UNC13C: variants seen among roughly 807,000 people sequenced by gnomAD.
UNC13C encodes unc-13 homolog C.
UNC13C carries 174 observed loss-of-function variants against 245.4 expected under a neutral mutation model. The observed-to-expected ratio is 0.71, with a 90% CI of 0.63 to 0.80. The LOEUF is 0.80. Among genes scored for constraint, UNC13C ranks in the 30% least tolerant of loss-of-function variants. The probability of loss-of-function intolerance (pLI) is 0.00; values close to 1 mark genes in which losing one functional copy is unlikely to be tolerated. For missense variants in UNC13C, 2,829 were observed against 2,602.9 expected (o/e 1.09, Z -1.89); for synonymous variants, 992 against 895.1 (o/e 1.11, Z -1.93).
intron 30 of UNC13C, among the ~76,000 whole-genome samples, chr15:54,583,766 TG>T (rs1225818177): frequency 6.6e-6 from 1 of 152,218 alleles, no homozygotes; most frequent in Non-Finnish European, 1.5e-5. Flanking sequence ...CCTGAGTGGT[TG>T]TTTGTAATGC....
chr15:54,379,898 A>T (rs2039685350), intron 17 of UNC13C, among the ~76,000 whole-genome samples: 1 of 152,212 alleles, frequency 6.6e-6, no homozygotes, highest in Non-Finnish European at 1.5e-5. Flanking sequence ...CATGCACAAC[A>T]TGATGTTTTG....
chr15:54,226,153 G>A lies in UNC13C; in HGVS notation c.3072-8877G>A, dbSNP rs537710865. On this transcript the variant is annotated intron_variant, in intron 4 of 32. Transcript: ENST00000260323. The stretch of plus-strand genomic sequence containing the variant: ...AACCAACTTTGCATTTCAGGATGAA[G>A]CCAAGTTGATTGTCATGGGTAAGCT... 1.6e-4 allele frequency among the ~76,000 whole-genome samples: 25 copies of A among 152,288 alleles called. No individual in the cohort carries two copies. In the South Asian group the frequency reaches 5.2e-3, roughly 32 times the overall value.
rs576765924 is a variant in UNC13C, at chr15:54,494,425, G to A, written c.4934-183G>A. On this transcript the variant is annotated intron_variant, in intron 19 of 32. Coordinates refer to ENST00000260323, the MANE Select transcript of UNC13C (RefSeq NM_001080534.3). ...CATTACTGCTTGACCTATTCTATGT[G>A]GGACTTATAATTATTTCTGCATTTT... 5.3e-5 allele frequency among the ~76,000 whole-genome samples: 8 copies of A among 151,932 alleles called. No homozygotes were observed. The East Asian group carries it at 1.2e-3, about 22-fold the overall frequency.
intron 19 of UNC13C, among the ~76,000 whole-genome samples, chr15:54,456,199 A>T (rs1340893414): frequency 1.3e-5 from 2 of 152,112 alleles, no homozygotes; most frequent in Non-Finnish European, 2.9e-5. Context: ...ATTCTGTTCC[A>T]TTGGCCTACA....
chr15:54,370,232 T>G (rs780736204), intron 17 of UNC13C, among the ~76,000 whole-genome samples: 2 of 152,080 alleles, frequency 1.3e-5, no homozygotes, highest in Non-Finnish European at 2.9e-5. Context: ...AGATATCCAG[T>G]CTCTTCATTG....
chr15:54,391,308 C>T (rs2039951985), intron 17 of UNC13C, among the ~76,000 whole-genome samples: 1 of 152,100 alleles, frequency 6.6e-6, no homozygotes, highest in Non-Finnish European at 1.5e-5. Context: ...TTATCACCTT[C>T]ACAACTCACC....
At chr15:53,853,477 T>C in the UNC13C span, among the ~76,000 whole-genome samples, 2 of 152,216 alleles carry the variant, frequency 1.3e-5, no homozygotes, top group African/African-American at 4.8e-5. Context: ...TATGCATGTG[T>C]CTTTATAAGT....
chr15:54,543,621 T>A (rs1896345522), intron 26 of UNC13C, among the ~76,000 whole-genome samples: 1 of 152,050 alleles, frequency 6.6e-6, no homozygotes, highest in Non-Finnish European at 1.5e-5. Context: ...ATATCACCAC[T>A]GATCCCACAG....
the UNC13C span, among the ~76,000 whole-genome samples, chr15:53,864,658 T>C: frequency 1.4e-4 from 22 of 152,298 alleles, no homozygotes; most frequent in Admixed American, 5.9e-4. Context: ...CAGAAGAGGA[T>C]TGAACTGAAG....
intron 32 of UNC13C, among the ~76,000 whole-genome samples, chr15:54,625,761 C>G (rs1281068333): frequency 2.0e-5 from 3 of 152,070 alleles, no homozygotes; most frequent in Non-Finnish European, 1.5e-5. Flanking sequence ...GATCACATTC[C>G]CTGCCAATAA....
chr15:54,001,327 A>G (rs2249440), intron 1 of UNC13C, among the ~76,000 whole-genome samples: 91,391 of 152,046 alleles, frequency 0.6, 28,606 homozygotes, highest in Middle Eastern at 0.74. Flanking sequence ...TGTGATGATC[A>G]AATGAGCCTG....
intron 1 of UNC13C, among the ~76,000 whole-genome samples, chr15:53,996,405 C>T (rs1437080042): frequency 6.6e-6 from 1 of 152,134 alleles, no homozygotes; most frequent in African/African-American, 2.4e-5. Flanking sequence ...CTTTAACACA[C>T]TGCTTAGGCC....
intron 6 of UNC13C, 187 bp from the exon 7 acceptor site, chr15:54,237,432 C>T (rs546730660): frequency 1.2e-5 from 8 of 688,382 alleles, no homozygotes; most frequent in East Asian, 2.7e-5. Context: ...GTTGTGGGAT[C>T]GTTCCAGTTT....
chr15:54,296,286 C>T (rs911468500), intron 11 of UNC13C, among the ~76,000 whole-genome samples: 5 of 152,026 alleles, frequency 3.3e-5, no homozygotes, highest in South Asian at 4.1e-4. Flanking sequence ...CTGCAAGCTC[C>T]GCCTCCCAGG....
intron 4 of UNC13C, among the ~76,000 whole-genome samples, chr15:54,172,335 T>C (rs909726946): frequency 6.6e-6 from 1 of 151,906 alleles, no homozygotes; most frequent in African/African-American, 2.4e-5. Flanking sequence ...TTATTATGTA[T>C]TGCATGCCTG....
chr15:54,290,584 T>C (rs2037270930), intron 10 of UNC13C, among the ~76,000 whole-genome samples: 1 of 152,086 alleles, frequency 6.6e-6, no homozygotes, highest in Non-Finnish European at 1.5e-5. Context: ...CTCCCTCCTT[T>C]TTCTATATCA....
intron 17 of UNC13C, among the ~76,000 whole-genome samples, chr15:54,349,975 T>C (rs2038944134): frequency 6.6e-6 from 1 of 152,006 alleles, no homozygotes; most frequent in Non-Finnish European, 1.5e-5. Context: ...TGTTGTATAT[T>C]AGCACAATAA....
intron 18 of UNC13C, 56 bp from the exon 19 acceptor site, chr15:54,414,926 T>G (rs990903442): frequency 1.6e-6 from 2 of 1,243,526 alleles, no homozygotes; most frequent in Non-Finnish European, 2.3e-6. Context: ...TGCTGTATTT[T>G]GGTTTTTAGG....
At chr15:54,475,286 TA>T (rs1320676418) in intron 19 of UNC13C, among the ~76,000 whole-genome samples, 15 of 5,836 alleles carry the variant, frequency 2.6e-3, no homozygotes, top group Non-Finnish European at 4.1e-3. Flanking sequence ...TTTTGTTTAT[TA>T]TTATTATTAT....
Sources: gnomAD v4.1 joint callset for allele counts (sites outside exome capture counted in the v4.1 genomes callset) on GRCh38, gnomAD v4.1.1 for gene constraint, MANE v1.5 for transcripts, NCBI Gene and HGNC (gene_info 2026-07-23, HGNC 2026-07-21) for gene names.